SLC9A9: variants seen among roughly 807,000 people sequenced by gnomAD.
SLC9A9 encodes sodium/hydrogen exchanger 9.
In SLC9A9, 62 loss-of-function variants were observed where a neutral mutation model predicts 77.8. The observed-to-expected ratio is 0.80, with a 90% confidence interval of 0.65 to 0.98. The LOEUF (loss-of-function observed/expected upper bound fraction) is 0.98. Among genes scored for constraint, SLC9A9 ranks in the 50% least tolerant of loss-of-function variants. The pLI is 0.00. For synonymous variants in SLC9A9, 320 were observed against 283.5 expected, an observed-to-expected ratio of 1.13 and a Z score of -1.29; for missense variants, 775 against 774.9, an observed-to-expected ratio of 1.00 and a Z score of 0.00.
At chr3:143,585,017 G>T (rs7635214) in intron 6 of SLC9A9, among the ~76,000 whole-genome samples, 3,492 of 152,266 alleles carry the variant, frequency 0.023, 121 homozygotes, top group African/African-American at 0.08. Context: ...GCTTGTCAGC[G>T]GTGTGTAGGG....
intron 4 of SLC9A9, among the ~76,000 whole-genome samples, chr3:143,787,506 G>T (rs1576725862): frequency 2.0e-5 from 3 of 151,976 alleles, no homozygotes; most frequent in Admixed American, 6.5e-5. Context: ...AAACAAAATT[G>T]TTTTTTCTTG....
At chr3:143,298,061 A>G (rs1020085391) in intron 14 of SLC9A9, among the ~76,000 whole-genome samples, 4 of 152,378 alleles carry the variant, frequency 2.6e-5, no homozygotes, top group African/African-American at 9.6e-5. Context: ...TTGTCAAGGC[A>G]AAGAATGGCT....
chr3:143,298,715 A>G (rs1454528989), intron 14 of SLC9A9, among the ~76,000 whole-genome samples: 1 of 152,238 alleles, frequency 6.6e-6, no homozygotes, highest in African/African-American at 2.4e-5. Context: ...ATAACAGCAC[A>G]GGACCTTTCC....
At chr3:143,519,347 G>A (rs2036256967) in intron 9 of SLC9A9, among the ~76,000 whole-genome samples, 1 of 152,130 alleles carries the variant, frequency 6.6e-6, no homozygotes, top group African/African-American at 2.4e-5. Flanking sequence ...AAGCCAGGTG[G>A]ACATTTGGAA....
At chr3:143,731,614 G>A (rs1322672913) in intron 4 of SLC9A9, among the ~76,000 whole-genome samples, 1 of 152,162 alleles carries the variant, frequency 6.6e-6, no homozygotes, top group East Asian at 1.9e-4. Context: ...TGTCAATATG[G>A]TATTGAATGT....
At chr3:143,797,584 G>A (rs1431958031) in intron 2 of SLC9A9, among the ~76,000 whole-genome samples, 1 of 151,966 alleles carries the variant, frequency 6.6e-6, no homozygotes, top group Non-Finnish European at 1.5e-5. Context: ...CACCACAAAA[G>A]AAGTGAAAAT....
intron 14 of SLC9A9, among the ~76,000 whole-genome samples, chr3:143,302,438 A>T (rs1158347170): frequency 1.3e-5 from 2 of 152,228 alleles, no homozygotes; most frequent in Non-Finnish European, 2.9e-5. Context: ...AGGTGTTTGT[A>T]TTAATAAATA....
intron 6 of SLC9A9, among the ~76,000 whole-genome samples, chr3:143,596,148 A>G (rs2037747915): frequency 6.6e-6 from 1 of 152,226 alleles, no homozygotes; most frequent in Admixed American, 6.5e-5. Context: ...CCTGGATCAC[A>G]TGAAAATTTG....
intron 14 of SLC9A9, among the ~76,000 whole-genome samples, chr3:143,301,013 T>C (rs555376857): frequency 1.2e-3 from 182 of 152,292 alleles, no homozygotes; most frequent in African/African-American, 2.5e-3. Flanking sequence ...AGCTCAGAAA[T>C]AGGCCCAGGA....
chr3:143,526,462 C>T (rs1249310189), intron 9 of SLC9A9, among the ~76,000 whole-genome samples: 1 of 152,170 alleles, frequency 6.6e-6, no homozygotes, highest in Admixed American at 6.5e-5. Flanking sequence ...AGCTAATATA[C>T]TTACTTCCTA....
intron 14 of SLC9A9, among the ~76,000 whole-genome samples, chr3:143,295,690 A>C (rs770340336): frequency 9.2e-5 from 14 of 152,152 alleles, no homozygotes; most frequent in Non-Finnish European, 1.5e-4. Context: ...GCTAACCTTT[A>C]TCATCACCTA....
chr3:143,531,977 A>G (rs1009589094), intron 9 of SLC9A9, among the ~76,000 whole-genome samples: 11 of 152,250 alleles, frequency 7.2e-5, no homozygotes, highest in Non-Finnish European at 1.5e-4. Flanking sequence ...TGATAATCAC[A>G]ACTGATTGAA....
intron 14 of SLC9A9, among the ~76,000 whole-genome samples, chr3:143,335,716 G>A (rs978560341): frequency 1.3e-5 from 2 of 152,046 alleles, no homozygotes; most frequent in Non-Finnish European, 2.9e-5. Flanking sequence ...ATATGCAAAA[G>A]AACTAATTTG....
In SLC9A9 at chr3:143,601,593, G is replaced by T. The variant is rs188697446; in HGVS notation, c.756-22870C>A. The stretch of plus-strand genomic sequence containing the variant: ...TTGTTTTTAACATTTGTGCTTCTAT[G>T]TGCAGTTTCAAAATCTGGTATTAAA... On this transcript the variant is annotated intron_variant, in intron 6 of 15. Transcript: ENST00000316549. 1.5e-3 allele frequency among the ~76,000 whole-genome samples: 227 copies of T among 152,264 alleles called. 2 individuals carry two copies. Among genetic ancestry groups the T allele is most frequent in the African/African-American group, 5.1e-3 (211 of 41,540 alleles).
intron 12 of SLC9A9, among the ~76,000 whole-genome samples, chr3:143,403,360 T>G (rs1223522069): frequency 6.6e-6 from 1 of 152,164 alleles, no homozygotes. Context: ...CAATTGAATT[T>G]TATATTGTTT....
chr3:143,609,679 C>T (rs1360420853), intron 6 of SLC9A9, among the ~76,000 whole-genome samples: 2 of 152,120 alleles, frequency 1.3e-5, no homozygotes, highest in East Asian at 3.9e-4. Flanking sequence ...AGCAAAGTTA[C>T]ACCCTTTCTA....
At chr3:143,393,113 A>C (rs2033611731) in intron 12 of SLC9A9, among the ~76,000 whole-genome samples, 1 of 152,152 alleles carries the variant, frequency 6.6e-6, no homozygotes, top group East Asian at 1.9e-4. Flanking sequence ...CATCTACAGA[A>C]CTCTCCACCT....
chr3:143,461,364 A>C (rs1331780766), intron 12 of SLC9A9, among the ~76,000 whole-genome samples: 2 of 152,146 alleles, frequency 1.3e-5, no homozygotes, highest in East Asian at 3.8e-4. Context: ...CATGTATACC[A>C]TGCTTTCATA....
Position 143,474,798 on chromosome 3 carries a change from G to A in SLC9A9, c.1316-7608C>T, listed in dbSNP as rs572372257. Among the ~76,000 whole-genome samples the A allele has an allele frequency of 1.4e-4, 20 of 144,714 alleles. No homozygotes were observed. The South Asian group carries it at 4.3e-3, about 31-fold the overall frequency. 94.9% of individuals were successfully genotyped at this position (144,714 alleles called of 152,430 possible). A position where few individuals can be genotyped will look rare whatever the true frequency, so the allele number is the denominator to read the frequency against. ...AGCTTGAAAAATGTAGGAAGATGAA[G>A]TTTATTTTGAACCAGGTTTGTTCTT... On this transcript the variant is annotated intron_variant, in intron 11 of 15. Coordinates refer to ENST00000316549, the MANE Select transcript of SLC9A9 (RefSeq NM_173653.4).
Sources: gnomAD v4.1 joint callset for allele counts (sites outside exome capture counted in the v4.1 genomes callset) on GRCh38, gnomAD v4.1.1 for gene constraint, MANE v1.5 for transcripts, NCBI Gene and HGNC (gene_info 2026-07-23, HGNC 2026-07-21) for gene names.